Variants in EIF4H observed in about 807,000 individuals in gnomAD.
EIF4H encodes the protein eukaryotic translation initiation factor 4H, also known as Williams-Beuren syndrome chromosome region 1.
EIF4H carries 8 observed loss-of-function variants against 30.6 expected under a neutral mutation model. The ratio of observed to expected loss-of-function variants is 0.26; its 90% confidence interval spans 0.15 to 0.47. EIF4H has a LOEUF of 0.47. Among genes scored for constraint, EIF4H ranks in the 20% least tolerant of loss-of-function variants. The pLI is 0.99. For missense variants in EIF4H, 188 were observed against 339.5 expected, an observed-to-expected ratio of 0.55 and a Z score of 3.51; for synonymous variants, 106 against 122.7, an observed-to-expected ratio of 0.86 and a Z score of 0.90.
At chr7:74,187,572 C>G (rs782706514) in intron 1 of EIF4H, 39 bp from the exon 2 acceptor site, 3 of 1,499,968 alleles carry the variant, frequency 2.0e-6, no homozygotes, top group South Asian at 1.4e-5. Flanking sequence ...GCTTATTCCA[C>G]TCTGGGCACA....
Position 74,197,022 on chromosome 7 carries a change from A to G in EIF4H, c.*1714A>G, listed in dbSNP as rs1563957836. The G allele has an allele frequency of 6.6e-6, 1 of 152,572 alleles. No individual in the cohort carries two copies. Among genetic ancestry groups the G allele is most frequent in the Non-Finnish European group, 1.5e-5 (1 of 68,028 alleles). The allele number at this position is 152,572 out of a possible 1,614,324, so 9.5% of individuals were successfully genotyped here. A position where few individuals can be genotyped will look rare whatever the true frequency, so the allele number is the denominator to read the frequency against. On this transcript the variant is annotated 3_prime_UTR_variant, in exon 7 of 7. Transcript: ENST00000265753. ...TTCCAAACACTTAACACATTCAGCTATATGACAGAAAGTAAATCTATGGAT... is the reference window on the plus strand; with the variant it reads ...TTCCAAACACTTAACACATTCAGCTGTATGACAGAAAGTAAATCTATGGAT...
intron 5 of EIF4H, among the ~76,000 whole-genome samples, chr7:74,190,517 T>C (rs562320526): frequency 2.6e-5 from 4 of 152,292 alleles, no homozygotes; most frequent in Admixed American, 1.3e-4. Context: ...TGGTCACCTT[T>C]GTTAGCCTGC....
chr7:74,191,034 A>G (rs1056877423), intron 5 of EIF4H, among the ~76,000 whole-genome samples: 1 of 152,138 alleles, frequency 6.6e-6, no homozygotes, highest in Non-Finnish European at 1.5e-5. Flanking sequence ...GCTGTATAGA[A>G]CGTCAGCACC....
intron 5 of EIF4H, among the ~76,000 whole-genome samples, chr7:74,191,510 C>T (rs1801212006): frequency 6.6e-6 from 1 of 152,124 alleles, no homozygotes; most frequent in African/African-American, 2.4e-5. Context: ...ACATCTCAAA[C>T]CCTATGTGGG....
At chr7:74,180,064 G>GTA in intron 1 of EIF4H, among the ~76,000 whole-genome samples, 1 of 152,052 alleles carries the variant, frequency 6.6e-6, no homozygotes, top group East Asian at 1.9e-4. Context: ...TGGTGTGGTG[G>GTA]TATATGCCTA....
At position 74,197,079 on chromosome 7, in the gene EIF4H, A is replaced by G. The variant is rs190525159; in HGVS notation, c.*1771A>G. 1.1e-4 allele frequency: 17 copies of G among 152,750 alleles called. No individual in the cohort carries two copies. The highest frequency in any genetic ancestry group is 9.8e-4 in the Admixed American group (15 of 15,296). 9.5% of individuals were successfully genotyped at this position (152,750 alleles called of 1,614,324 possible). A position where few individuals can be genotyped will look rare whatever the true frequency, so the allele number is the denominator to read the frequency against. ...TTTTGTGAATGATCTTTTAAATAAAAGAAAACCTTACGTAATATTTAATGC... is the reference window on the plus strand; with the variant it reads ...TTTTGTGAATGATCTTTTAAATAAAGGAAAACCTTACGTAATATTTAATGC... On this transcript the variant is annotated 3_prime_UTR_variant, in exon 7 of 7. Transcript: ENST00000265753.
At chr7:74,179,497 T>C (rs1486128077) in intron 1 of EIF4H, among the ~76,000 whole-genome samples, 1 of 152,062 alleles carries the variant, frequency 6.6e-6, no homozygotes, top group African/African-American at 2.4e-5. Flanking sequence ...CTGGGCATGG[T>C]GGTGGGCCCC....
In EIF4H at chr7:74,188,788, T is replaced by G. The variant is rs1801144472; in HGVS notation, c.248-885T>G. Among the ~76,000 whole-genome samples, 6 of 152,206 alleles carry G rather than the reference T, an allele frequency of 3.9e-5. No individual in the cohort carries two copies. The South Asian group carries it at 1.2e-3, about 32-fold the overall frequency. On this transcript the variant is annotated intron_variant, in intron 2 of 6. Transcript: ENST00000265753. ...TTTGAGCAGCTCTAGAAGATGAGATTGGGTGTCTGTTGCTTCTGTGAAGTT... is the reference window on the plus strand; with the variant it reads ...TTTGAGCAGCTCTAGAAGATGAGATGGGGTGTCTGTTGCTTCTGTGAAGTT...
intron 1 of EIF4H, among the ~76,000 whole-genome samples, chr7:74,186,713 C>T (rs1436024526): frequency 1.4e-5 from 2 of 147,662 alleles, no homozygotes; most frequent in Admixed American, 1.4e-4. Flanking sequence ...GTGTTAGGTA[C>T]GTCAGTACTT....
Position 74,194,648 on chromosome 7 carries a change from A to G in EIF4H, c.470-93A>G. Reference sequence around the variant, plus strand: ...GATAGTGGACAAACTAAAGAATTTAAAATGAAACTCAAACAATTCCCAGAA... The same window carrying G: ...GATAGTGGACAAACTAAAGAATTTAGAATGAAACTCAAACAATTCCCAGAA... On this transcript the variant is annotated intron_variant, in intron 5 of 6. Transcript: ENST00000265753. 3.5e-6 allele frequency: 5 copies of G among 1,444,280 alleles called. No individual in the cohort carries two copies. The South Asian group carries it at 6.6e-5, about 19-fold the overall frequency. The allele number at this position is 1,444,280 out of a possible 1,614,324, so 89.5% of individuals were successfully genotyped here.
chr7:74,186,607 C>T (rs1801084708), intron 1 of EIF4H, among the ~76,000 whole-genome samples: 1 of 152,036 alleles, frequency 6.6e-6, no homozygotes, highest in African/African-American at 2.4e-5. Flanking sequence ...GTAAACGACG[C>T]TTGATACAGC....
At chr7:74,181,821 G>A (rs113297417) in intron 1 of EIF4H, among the ~76,000 whole-genome samples, 2,694 of 145,556 alleles carry the variant, frequency 0.019, 52 homozygotes, top group African/African-American at 0.055. Context: ...TGCAGCCTCC[G>A]CCACCACCCC....
Position 74,187,783 on chromosome 7 carries a change from A to C in EIF4H, c.232A>C (p.Thr78Pro). 6.2e-7 allele frequency: 1 copy of C among 1,608,200 alleles called. No individual in the cohort carries two copies. The highest frequency in any genetic ancestry group is 8.5e-7 in the Non-Finnish European group (1 of 1,175,846). ...TGTACGGCTAGTCAGAGACAAAGAC[A>C]CAGATAAATTTAAAGGTGAGTTTGG... is the stretch of plus-strand genomic sequence containing the variant. The part of the protein sequence containing the change: ...RSVRLVRDKD[T>P]DKFKGFCYVE... Residue 78 changes from threonine (T) to proline (P), a missense_variant, in exon 2 of 7, where the codon ACA becomes CCA. Coordinates refer to ENST00000265753, the MANE Select transcript of EIF4H (RefSeq NM_022170.2).
chr7:74,191,137 C>A, intron 5 of EIF4H: 1 of 530,118 alleles, frequency 1.9e-6, no homozygotes, highest in Non-Finnish European at 3.9e-6. Flanking sequence ...TTTTTAAAAA[C>A]TCAGCTTTGG....
At chr7:74,188,432 A>T (rs539263799) in intron 2 of EIF4H, among the ~76,000 whole-genome samples, 1 of 152,120 alleles carries the variant, frequency 6.6e-6, no homozygotes, top group South Asian at 2.1e-4. Context: ...AGGACCCAGG[A>T]TGTTTGGCCC....
rs1801344553 is a variant in EIF4H, at chr7:74,196,052, G to T, written c.*744G>T. On this transcript the variant is annotated 3_prime_UTR_variant, in exon 7 of 7. Transcript: ENST00000265753. ...CACGGAGAAGATGCAGTGAATGCTTGCATGCATTCACACGTGTGTGTGTCC... is the reference window on the plus strand; with the variant it reads ...CACGGAGAAGATGCAGTGAATGCTTTCATGCATTCACACGTGTGTGTGTCC... The T allele has an allele frequency of 6.6e-6, 1 of 152,210 alleles. No homozygotes were observed. Among genetic ancestry groups the T allele is most frequent in the African/African-American group, 2.4e-5 (1 of 41,454 alleles). The allele number at this position is 152,210 out of a possible 1,614,324, so 9.4% of individuals were successfully genotyped here. A position where few individuals can be genotyped will look rare whatever the true frequency, so the allele number is the denominator to read the frequency against.
intron 5 of EIF4H, chr7:74,191,336 T>C (rs782074639): frequency 5.8e-6 from 3 of 514,690 alleles, no homozygotes; most frequent in African/African-American, 2.0e-5. Flanking sequence ...GGAACGGCCT[T>C]TCCCCTGCCA....
rs782387250 is a variant in EIF4H at position 74,194,730 on chromosome 7, T to G, written c.470-11T>G. On this transcript the variant is annotated splice_polypyrimidine_tract_variant and intron_variant, in intron 5 of 6. Coordinates refer to ENST00000265753, the MANE Select transcript of EIF4H (RefSeq NM_022170.2). The stretch of plus-strand genomic sequence containing the variant: ...TTTGAAAAGTAATTCAGTGTCCTGT[T>G]TCTTCCTCAGGCTTCAGGGATGACT... 1 of 1,567,208 alleles carries G rather than the reference T, an allele frequency of 6.4e-7. No homozygotes were observed. The highest frequency in any genetic ancestry group is 1.8e-5 in the Admixed American group (1 of 55,410).
At chr7:74,194,200 T>G (rs782638056) in intron 5 of EIF4H, among the ~76,000 whole-genome samples, 17 of 152,254 alleles carry the variant, frequency 1.1e-4, no homozygotes, top group Non-Finnish European at 2.4e-4. Flanking sequence ...CTGCTTTGTT[T>G]ACCACACAGG....
Sources: gnomAD v4.1 joint callset for allele counts (sites outside exome capture counted in the v4.1 genomes callset) on GRCh38, gnomAD v4.1.1 for gene constraint, MANE v1.5 for transcripts, NCBI Gene and HGNC (gene_info 2026-07-23, HGNC 2026-07-21) for gene names.